FNDC1: variants seen among roughly 807,000 people sequenced by gnomAD.
The protein encoded by FNDC1 is fibronectin type III domain containing 1.
FNDC1 carries 96 observed loss-of-function variants against 168.0 expected under a neutral mutation model. That is an observed-to-expected ratio of 0.57 (90% CI 0.48 to 0.68). The LOEUF (loss-of-function observed/expected upper bound fraction) is 0.68, where lower values mean the gene tolerates loss of function less well. Ranked by LOEUF, FNDC1 falls within the 30% of genes least tolerant of loss-of-function variation. FNDC1 has a pLI of 0.00. For synonymous variants in FNDC1, 1,099 were observed against 1,025.9 expected, an observed-to-expected ratio of 1.07 and a Z score of -1.36; for missense variants, 2,587 against 2,482.1, an observed-to-expected ratio of 1.04 and a Z score of -0.90.
At chr6:159,261,480 A>T (rs1777483465) in intron 19 of FNDC1, among the ~76,000 whole-genome samples, 1 of 152,250 alleles carries the variant, frequency 6.6e-6, no homozygotes, top group Non-Finnish European at 1.5e-5. Context: ...TCTCTGAAGA[A>T]CAGAAAGGTC....
intron 1 of FNDC1, among the ~76,000 whole-genome samples, chr6:159,196,433 C>T (rs574375279): frequency 6.6e-6 from 1 of 152,298 alleles, no homozygotes; most frequent in East Asian, 1.9e-4. Flanking sequence ...TTATTCTGTT[C>T]AGAATTTTCA....
At chr6:159,194,933 A>C (rs1193629985) in intron 1 of FNDC1, among the ~76,000 whole-genome samples, 1 of 152,144 alleles carries the variant, frequency 6.6e-6, no homozygotes, top group Admixed American at 6.5e-5. Flanking sequence ...GAAGCATCAA[A>C]AATGACATCA....
At chr6:159,190,294 T>C (rs1426195192) in intron 1 of FNDC1, among the ~76,000 whole-genome samples, 2 of 152,214 alleles carry the variant, frequency 1.3e-5, no homozygotes, top group Non-Finnish European at 2.9e-5. Context: ...ATTTCTGGCC[T>C]GTCCCCTGTC....
chr6:159,241,192 A>G (rs1783412794), intron 14 of FNDC1: 1 of 152,232 alleles, frequency 6.6e-6, no homozygotes, highest in Non-Finnish European at 1.5e-5. Context: ...TTGAATTTCT[A>G]GTATTGACAT....
At chr6:159,175,717 A>G (rs1375167982) in intron 1 of FNDC1, among the ~76,000 whole-genome samples, 2 of 152,174 alleles carry the variant, frequency 1.3e-5, no homozygotes, top group African/African-American at 4.8e-5. Context: ...TGGTCCTGTT[A>G]AGCTCGCCTG....
rs1777755120 is a variant in FNDC1, at chr6:159,271,877, T to C, written c.*435T>C. ...TCTCCAAAACTAACTGAATTTAAGC[T>C]TCAGGTCCCTTTGTATGCAGTAGAA... On this transcript the variant is annotated 3_prime_UTR_variant, in exon 23 of 23. Coordinates refer to ENST00000297267, the MANE Select transcript of FNDC1 (RefSeq NM_032532.3). 6.4e-6 allele frequency: 1 copy of C among 155,472 alleles called. No homozygotes were observed. The highest frequency in any genetic ancestry group is 1.4e-5 in the Non-Finnish European group (1 of 69,954). 9.6% of individuals were successfully genotyped at this position (155,472 alleles called of 1,614,324 possible). A position where few individuals can be genotyped will look rare whatever the true frequency, so the allele number is the denominator to read the frequency against.
intron 14 of FNDC1, among the ~76,000 whole-genome samples, chr6:159,240,185 AT>A (rs925900658): frequency 8.8e-5 from 13 of 147,834 alleles, no homozygotes; most frequent in African/African-American, 3.2e-4. Context: ...TATGAAAAAA[AT>A]TATTTCCTGT....
chr6:159,225,605 C>A lies in FNDC1; in HGVS notation c.955C>A (p.Arg319Ser), dbSNP rs779471491. 3.1e-6 allele frequency: 5 copies of A among 1,613,826 alleles called. No individual in the cohort carries two copies. The highest frequency in any genetic ancestry group is 4.2e-6 in the Non-Finnish European group (5 of 1,179,830). Residue 319 changes from arginine (R) to serine (S), a missense_variant, in exon 8 of 23, where the codon CGT becomes AGT. Transcript: ENST00000297267. Reference protein sequence around the residue: ...RWDYKQIANRRVLIENLIPDT... With the variant: ...RWDYKQIANRSVLIENLIPDT... Reference sequence around the variant, plus strand: ...GGATTATAAGCAGATCGCTAACAGGCGTGTGCTGATTGAGAACCTGATTCC... The same window carrying A: ...GGATTATAAGCAGATCGCTAACAGGAGTGTGCTGATTGAGAACCTGATTCC...
intron 15 of FNDC1, 49 bp from the exon 16 acceptor site, chr6:159,248,990 T>C: frequency 6.5e-7 from 1 of 1,550,092 alleles, no homozygotes; most frequent in Non-Finnish European, 8.7e-7. Flanking sequence ...CTATAGACAG[T>C]GCTCCTTTTC....
chr6:159,237,102 T>A (rs1783278812), intron 12 of FNDC1, among the ~76,000 whole-genome samples: 1 of 152,252 alleles, frequency 6.6e-6, no homozygotes, highest in Non-Finnish European at 1.5e-5. Context: ...ATGCATGTTA[T>A]CATTTCTTAA....
rs780449351 is a variant in FNDC1, at chr6:159,234,360, C to T, written c.3848C>T (p.Thr1283Met). ...AGTHPWPQYT[T>M]RAPPGHFSTT... ...ACCCACCCCTGGCCGCAGTACACCA[C>T]GCGCGCCCCACCTGGCCACTTCTCC... Residue 1283 changes from threonine to methionine, a missense_variant, in exon 11 of 23, where the codon ACG (threonine) becomes ATG (methionine). Physicochemically the swap from Thr to Met is moderately conservative, Grantham distance 81 (BLOSUM62 -1). Transcript: ENST00000297267. 5 of 1,612,088 alleles carry T rather than the reference C, an allele frequency of 3.1e-6. No homozygotes were observed. Among genetic ancestry groups the T allele is most frequent in the Middle Eastern group, 1.6e-4 (1 of 6,082 alleles).
In FNDC1 at chr6:159,232,434, A is replaced by G; in HGVS notation, c.1922A>G (p.Asp641Gly). The change falls in exon 11 of 23, where the codon GAC (aspartate) becomes GGC (glycine). Residue 641 changes from aspartate (D) to glycine (G), a missense_variant. By Grantham distance (94) the Asp-to-Gly change is moderately conservative. Coordinates refer to ENST00000297267, the MANE Select transcript of FNDC1 (RefSeq NM_032532.3). The surrounding 1 kb of genome is among the most constrained non-coding windows in gnomAD (Gnocchi z 4.9). ...CCTTCCCTGCCTGCCAGCTTGAATG[A>G]CAACGACTTGGTGGACTCAGACGAA... is the stretch of plus-strand genomic sequence containing the variant. The part of the protein sequence containing the change: ...HRPSLPASLN[D>G]NDLVDSDEDE... 1 of 1,611,864 alleles carries G rather than the reference A, an allele frequency of 6.2e-7. No individual in the cohort carries two copies. The highest frequency in any genetic ancestry group is 8.5e-7 in the Non-Finnish European group (1 of 1,178,506).
chr6:159,212,770 T>C (rs1428233385), intron 4 of FNDC1, among the ~76,000 whole-genome samples: 1 of 152,236 alleles, frequency 6.6e-6, no homozygotes. Context: ...CATGTGTTTA[T>C]ACCCTGAAGG....
chr6:159,264,506 T>C (rs1777552704), intron 19 of FNDC1, among the ~76,000 whole-genome samples: 1 of 152,254 alleles, frequency 6.6e-6, no homozygotes. Flanking sequence ...TAAACACTTG[T>C]GTTGTTTCAA....
intron 4 of FNDC1, among the ~76,000 whole-genome samples, chr6:159,210,804 C>T (rs1010439974): frequency 1.3e-5 from 2 of 152,144 alleles, no homozygotes; most frequent in African/African-American, 4.8e-5. Flanking sequence ...GTCCTGCCCC[C>T]ATCTGGCTAT....
At chr6:159,223,740 C>T in intron 7 of FNDC1, 95 bp downstream of exon 7, 2 of 704,250 alleles carry the variant, frequency 2.8e-6, no homozygotes, top group Non-Finnish European at 4.8e-6. Context: ...TTCTGACTTA[C>T]ATGAATGCTG....
Position 159,233,470 on chromosome 6 carries a change from A to T in FNDC1, c.2958A>T (p.Ser986=), listed in dbSNP as rs552091481. The change falls in exon 11 of 23, where the codon TCA becomes TCT. Residue 986 remains serine (S), a synonymous_variant. Transcript: ENST00000297267. This position sits in a 1 kb window ranked among gnomAD's most constrained non-coding sequence, Gnocchi z 4.6. ...ASPARPPAAR[S]QQHPSVPRRM... is the part of the protein sequence containing the mutation. ...CTGCTCGTCCGCCCGCAGCACGGTC[A>T]CAGCAGCATCCCAGTGTTCCCAGAA... 3 of 1,606,314 alleles carry T rather than the reference A, an allele frequency of 1.9e-6. No homozygotes were observed. Among genetic ancestry groups the T allele is most frequent in the East Asian group, 2.2e-5 (1 of 44,772 alleles).
intron 1 of FNDC1, among the ~76,000 whole-genome samples, chr6:159,188,702 A>G (rs1402484141): frequency 1.3e-5 from 2 of 151,418 alleles, no homozygotes; most frequent in African/African-American, 2.4e-5. Context: ...GAGTGCGTCC[A>G]AATACACTGG....
chr6:159,248,786 A>G (rs192835693), intron 15 of FNDC1, among the ~76,000 whole-genome samples: 1 of 152,240 alleles, frequency 6.6e-6, no homozygotes, highest in African/African-American at 2.4e-5. Context: ...TTCTGGTCAT[A>G]TGTGTTTCTT....
Sources: gnomAD v4.1 joint callset for allele counts (sites outside exome capture counted in the v4.1 genomes callset) on GRCh38, gnomAD v4.1.1 for gene constraint, Gnocchi (gnomAD v3.1) non-coding constraint, MANE v1.5 for transcripts, NCBI Gene and HGNC (gene_info 2026-07-23, HGNC 2026-07-21) for gene names.